Variants in AP4S1 observed in about 807,000 individuals in gnomAD.
AP4S1 encodes the protein adaptor related protein complex 4 subunit sigma 1, also known as AP-4 complex subunit sigma-1.
In AP4S1, 23 loss-of-function variants were observed where a neutral mutation model predicts 19.8. The ratio of observed to expected loss-of-function variants is 1.16; its 90% confidence interval spans 0.84 to 1.65. The LOEUF (loss-of-function observed/expected upper bound fraction) is 1.65, where lower values mean the gene tolerates loss of function less well. Among genes scored for constraint, AP4S1 ranks in the 40% most tolerant of loss-of-function variants. The pLI, the probability that AP4S1 is intolerant of heterozygous loss-of-function variation, is 0.00. For synonymous variants in AP4S1, 46 were observed against 54.1 expected, an observed-to-expected ratio of 0.85 and a Z score of 0.66; for missense variants, 166 against 172.8, an observed-to-expected ratio of 0.96 and a Z score of 0.22.
intron 1 of AP4S1, among the ~76,000 whole-genome samples, chr14:31,047,311 T>A (rs1257644741): frequency 6.6e-6 from 1 of 152,104 alleles, no homozygotes; most frequent in Non-Finnish European, 1.5e-5. Context: ...AATAGTGTCT[T>A]ACGTGGGTTT....
chr14:31,073,540 C>G (rs1887179301), intron 4 of AP4S1, among the ~76,000 whole-genome samples: 1 of 151,196 alleles, frequency 6.6e-6, no homozygotes, highest in Non-Finnish European at 1.5e-5. Flanking sequence ...TGAGCTTTTG[C>G]TATCTGACTT....
At chr14:31,088,533 C>T (rs1045688779) in intron 5 of AP4S1, among the ~76,000 whole-genome samples, 20 of 152,038 alleles carry the variant, frequency 1.3e-4, no homozygotes, top group Non-Finnish European at 2.8e-4. Flanking sequence ...AACAGCCAGG[C>T]GCGGTGGCTC....
chr14:31,073,307 G>A (rs542372344), intron 4 of AP4S1: 146 of 240,180 alleles, frequency 6.1e-4, no homozygotes, highest in Non-Finnish European at 8.5e-4. Context: ...TGGCTAATAC[G>A]GTGAAACCCC....
intron 1 of AP4S1, among the ~76,000 whole-genome samples, chr14:31,061,873 C>T (rs1886455732): frequency 6.6e-6 from 1 of 152,026 alleles, no homozygotes; most frequent in African/African-American, 2.4e-5. Flanking sequence ...ATCTCCTGAC[C>T]TCATGATCCG....
At chr14:31,063,667 G>A (rs888583063) in intron 1 of AP4S1, among the ~76,000 whole-genome samples, 1 of 152,116 alleles carries the variant, frequency 6.6e-6, no homozygotes, top group Non-Finnish European at 1.5e-5. Flanking sequence ...GACCAGAACA[G>A]ACTAAAGCAA....
intron 3 of AP4S1, among the ~76,000 whole-genome samples, chr14:31,071,852 A>T: frequency 6.7e-6 from 1 of 149,994 alleles, no homozygotes; most frequent in South Asian, 2.2e-4. Flanking sequence ...AGTACCTAAG[A>T]CTACAGGCGC....
chr14:31,036,015 C>T (rs368000016), intron 1 of AP4S1, among the ~76,000 whole-genome samples: 32 of 152,198 alleles, frequency 2.1e-4, no homozygotes, highest in African/African-American at 7.2e-4. Context: ...CAGGCGTGAG[C>T]CACCGTGCCT....
chr14:31,038,843 A>G (rs1397280676), intron 1 of AP4S1, among the ~76,000 whole-genome samples: 1 of 152,134 alleles, frequency 6.6e-6, no homozygotes, highest in African/African-American at 2.4e-5. Context: ...TCTGTTCCTG[A>G]GTTGGTGAGT....
At chr14:31,082,561 A>G (rs1887690855) in intron 5 of AP4S1, among the ~76,000 whole-genome samples, 1 of 152,186 alleles carries the variant, frequency 6.6e-6, no homozygotes, top group African/African-American at 2.4e-5. Context: ...TGTATTGGAC[A>G]AGACACATAA....
At chr14:31,044,059 A>G (rs891819885) in intron 1 of AP4S1, among the ~76,000 whole-genome samples, 3 of 152,220 alleles carry the variant, frequency 2.0e-5, no homozygotes, top group Non-Finnish European at 4.4e-5. Flanking sequence ...AACTTTGTAA[A>G]ATTATATAAT....
At chr14:31,058,246 A>G (rs766137322) in intron 1 of AP4S1, among the ~76,000 whole-genome samples, 12 of 152,032 alleles carry the variant, frequency 7.9e-5, no homozygotes, top group Non-Finnish European at 1.3e-4. Flanking sequence ...TCTACTCTGA[A>G]TCTACCAGTC....
At chr14:31,074,359 A>G (rs1282319184) in intron 4 of AP4S1, among the ~76,000 whole-genome samples, 1 of 142,206 alleles carries the variant, frequency 7.0e-6, no homozygotes, top group Non-Finnish European at 1.5e-5. Context: ...AAATAAATAA[A>G]TAAATAAAGT....
intron 5 of AP4S1, among the ~76,000 whole-genome samples, chr14:31,082,225 A>G (rs1333552609): frequency 6.6e-6 from 1 of 152,166 alleles, no homozygotes; most frequent in Admixed American, 6.5e-5. Context: ...CCTGTGACCT[A>G]GAAGGGACTA....
intron 1 of AP4S1, among the ~76,000 whole-genome samples, chr14:31,033,714 T>C (rs1357578326): frequency 2.6e-5 from 4 of 152,192 alleles, no homozygotes; most frequent in Non-Finnish European, 5.9e-5. Flanking sequence ...TGACTTTGGC[T>C]AAGAAAATTG....
intron 1 of AP4S1, among the ~76,000 whole-genome samples, chr14:31,047,489 G>A (rs1351164229): frequency 1.3e-5 from 2 of 149,894 alleles, no homozygotes; most frequent in South Asian, 4.2e-4. Flanking sequence ...CTGGGTTCAC[G>A]CCGTTCTCCT....
chr14:31,052,301 C>A (rs1372075153), intron 1 of AP4S1, among the ~76,000 whole-genome samples: 4 of 152,054 alleles, frequency 2.6e-5, no homozygotes, highest in Non-Finnish European at 5.9e-5. Flanking sequence ...TTGGTATTAA[C>A]AATTCTCAGT....
chr14:31,085,641 T>C, intron 5 of AP4S1: 1 of 689,626 alleles, frequency 1.5e-6, no homozygotes, highest in African/African-American at 1.9e-5. Context: ...GCATTGGTGG[T>C]GTGTGCCTAT....
At chr14:31,025,849 C>T in intron 1 of AP4S1, 62 bp downstream of exon 1, 2 of 1,561,012 alleles carry the variant, frequency 1.3e-6, no homozygotes, top group Admixed American at 1.9e-5. Context: ...CAGCCCCACC[C>T]CCCGGCCGGG....
At position 31,044,719 on chromosome 14, in the gene AP4S1, C is replaced by G. The variant is rs115236514; in HGVS notation, c.-72+18932C>G. ...ATGTTTTTCAGGCTGGTCTTGAACT[C>G]CTGGCCTCAAGTGTATATGTTTATT... On this transcript the variant is annotated intron_variant, in intron 1 of 5. Coordinates refer to ENST00000542754, the MANE Select transcript of AP4S1 (RefSeq NM_001128126.3). Among the ~76,000 whole-genome samples, 1,276 of 151,774 alleles carry G rather than the reference C, an allele frequency of 8.4e-3. 21 individuals carry two copies. Among genetic ancestry groups the G allele is most frequent in the African/African-American group, 0.028 (1,140 of 41,372 alleles).
Sources: gnomAD v4.1 joint callset for allele counts (sites outside exome capture counted in the v4.1 genomes callset) on GRCh38, gnomAD v4.1.1 for gene constraint, MANE v1.5 for transcripts, NCBI Gene and HGNC (gene_info 2026-07-23, HGNC 2026-07-21) for gene names.